Variants in MGLL observed in about 807,000 individuals in gnomAD.
MGLL encodes lysophospholipase homolog.
Under a neutral mutation model 29.1 loss-of-function variants are expected in MGLL, and 7 were observed. The ratio of observed to expected loss-of-function variants is 0.24; its 90% confidence interval spans 0.14 to 0.45. The LOEUF (loss-of-function observed/expected upper bound fraction) is 0.45. Among genes scored for constraint, MGLL ranks in the 20% least tolerant of loss-of-function variants. The pLI is 0.99. For synonymous variants in MGLL, 148 were observed against 168.3 expected (o/e 0.88, Z 0.93); for missense variants, 356 against 413.6 (o/e 0.86, Z 1.21).
At chr3:127,758,403 G>A (rs561894358) in intron 3 of MGLL, among the ~76,000 whole-genome samples, 1 of 152,374 alleles carries the variant, frequency 6.6e-6, no homozygotes, top group South Asian at 2.1e-4. Flanking sequence ...CACCATGCCT[G>A]GAGTTGGTAA....
intron 5 of MGLL, among the ~76,000 whole-genome samples, chr3:127,714,722 T>C (rs890451991): frequency 6.6e-6 from 1 of 152,134 alleles, no homozygotes; most frequent in Non-Finnish European, 1.5e-5. Flanking sequence ...GGGTGCAAGT[T>C]ACACCACAGA....
At position 127,741,417 on chromosome 3, in the gene MGLL, C is replaced by A. The variant is rs540481768; in HGVS notation, c.263-18851G>T. The stretch of plus-strand genomic sequence containing the variant: ...GGCTGGGTGCTCCCAGGGGGCATGG[C>A]CCTCTCAGGCTCTTCCCAGCCAGAC... On this transcript the variant is annotated intron_variant, in intron 3 of 7. Transcript: ENST00000265052. Among the ~76,000 whole-genome samples, 9 of 152,338 alleles carry A rather than the reference C, an allele frequency of 5.9e-5. No homozygotes were observed. In the South Asian group the frequency reaches 1.9e-3, roughly 32 times the overall value.
Position 127,690,572 on chromosome 3 carries a change from C to A in MGLL, c.*1626G>T, listed in dbSNP as rs959858009. Reference sequence around the variant, plus strand: ...GCTGCTGGAGGAAGAAGGGCGGGAGCCCCTGAGGCCTAGACTTCATGTTGG... The same window carrying A: ...GCTGCTGGAGGAAGAAGGGCGGGAGACCCTGAGGCCTAGACTTCATGTTGG... On this transcript the variant is annotated 3_prime_UTR_variant, in exon 8 of 8. Coordinates refer to ENST00000265052, the MANE Select transcript of MGLL (RefSeq NM_007283.7). The A allele has an allele frequency of 6.5e-6, 1 of 152,824 alleles. No homozygotes were observed. Among genetic ancestry groups the A allele is most frequent in the Non-Finnish European group, 1.5e-5 (1 of 68,176 alleles). The allele number at this position is 152,824 out of a possible 1,614,324, so 9.5% of individuals were successfully genotyped here.
rs147014929 is a variant in MGLL at position 127,753,585 on chromosome 3, C to A, written c.262+28204G>T. ...TTCTGCAGACCTTGCCTCATCGAATCAGCATCAGGCACTCCTGGGCCTGAG... is the reference window on the plus strand; with the variant it reads ...TTCTGCAGACCTTGCCTCATCGAATAAGCATCAGGCACTCCTGGGCCTGAG... On this transcript the variant is annotated intron_variant, in intron 3 of 7. Transcript: ENST00000265052. Among the ~76,000 whole-genome samples, 285 of 152,360 alleles carry A rather than the reference C, an allele frequency of 1.9e-3. 2 individuals carry two copies. The highest frequency in any genetic ancestry group is 5.2e-3 in the Admixed American group (79 of 15,302).
At position 127,761,797 on chromosome 3, in the gene MGLL, C is replaced by T. The variant is rs965301058; in HGVS notation, c.262+19992G>A. On this transcript the variant is annotated intron_variant, in intron 3 of 7. Transcript: ENST00000265052. The surrounding 1 kb of genome is among the most constrained non-coding windows in gnomAD (Gnocchi z 4.6). ...ACCCCAGCTCTTCAGGGAGGGACTC[C>T]AGGCAGAGCTTCATTCTCAAATGCC... Among the ~76,000 whole-genome samples the T allele has an allele frequency of 2.0e-5, 3 of 152,204 alleles. No homozygotes were observed. The highest frequency in any genetic ancestry group is 4.4e-5 in the Non-Finnish European group (3 of 68,042).
chr3:127,749,409 C>A (rs1350631723), intron 3 of MGLL, among the ~76,000 whole-genome samples: 1 of 152,214 alleles, frequency 6.6e-6, no homozygotes, highest in African/African-American at 2.4e-5. Context: ...CTTCCCAGAG[C>A]TTTCTGCTGT....
chr3:127,781,631 A>G (rs1457944901), intron 3 of MGLL, among the ~76,000 whole-genome samples, 158 bp downstream of exon 3: 1 of 152,098 alleles, frequency 6.6e-6, no homozygotes, highest in Admixed American at 6.5e-5. Context: ...CTCGTCAGAC[A>G]TTTTTTTTGT....
At chr3:127,806,294 TTC>T (rs1347975096) in intron 2 of MGLL, among the ~76,000 whole-genome samples, 1 of 152,220 alleles carries the variant, frequency 6.6e-6, no homozygotes, top group Non-Finnish European at 1.5e-5. Context: ...TCTTAATGAT[TTC>T]TCTGTCACCC....
intron 2 of MGLL, among the ~76,000 whole-genome samples, chr3:127,789,743 GAAAGAAAGAAAGA>G (rs1393657762): frequency 6.6e-6 from 1 of 151,628 alleles, no homozygotes; most frequent in Non-Finnish European, 1.5e-5. Context: ...AGGAAAGAAG[GAAAGAAAGAAAGA>G]AAAGAAAGAA....
intron 3 of MGLL, among the ~76,000 whole-genome samples, chr3:127,725,043 G>A (rs2107629554): frequency 6.6e-6 from 1 of 151,906 alleles, no homozygotes; most frequent in East Asian, 1.9e-4. Flanking sequence ...CCCTCCTTAA[G>A]GGGTGGTCCA....
intron 6 of MGLL, among the ~76,000 whole-genome samples, chr3:127,708,945 T>G (rs1371070220): frequency 1.3e-5 from 2 of 152,236 alleles, no homozygotes; most frequent in Admixed American, 1.3e-4. Context: ...CACCAAAGCA[T>G]GGACTTTTGA....
chr3:127,700,850 C>T (rs761422698), intron 6 of MGLL, among the ~76,000 whole-genome samples: 4 of 152,278 alleles, frequency 2.6e-5, no homozygotes, highest in South Asian at 2.1e-4. Context: ...CTTTTGGAGC[C>T]GCTTGGCATT....
intron 2 of MGLL, among the ~76,000 whole-genome samples, chr3:127,795,161 T>C (rs896298464): frequency 6.6e-6 from 1 of 152,142 alleles, no homozygotes; most frequent in Non-Finnish European, 1.5e-5. Context: ...AAAGAAAAGG[T>C]GGTACATATA....
At chr3:127,755,785 A>G (rs1411801034) in intron 3 of MGLL, among the ~76,000 whole-genome samples, 1 of 152,238 alleles carries the variant, frequency 6.6e-6, no homozygotes, top group Non-Finnish European at 1.5e-5. Context: ...GTATTTATCA[A>G]AGACACTTTC....
At chr3:127,718,792 A>C (rs1200614900) in intron 5 of MGLL, among the ~76,000 whole-genome samples, 1 of 152,142 alleles carries the variant, frequency 6.6e-6, no homozygotes, top group African/African-American at 2.4e-5. Context: ...ATCCTCCTTC[A>C]TATCTTTTGA....
At chr3:127,804,767 C>T (rs2077536818) in intron 2 of MGLL, among the ~76,000 whole-genome samples, 1 of 152,154 alleles carries the variant, frequency 6.6e-6, no homozygotes, top group Non-Finnish European at 1.5e-5. Flanking sequence ...AATAGTTGGG[C>T]CAGGCCTGCC....
intron 2 of MGLL, among the ~76,000 whole-genome samples, 162 bp from the exon 3 acceptor site, chr3:127,782,057 C>T (rs1051949057): frequency 3.9e-5 from 6 of 152,114 alleles, no homozygotes; most frequent in Admixed American, 3.9e-4. Context: ...CCCACCTCTA[C>T]TGAAATACAA....
At chr3:127,782,028 C>T (rs2077136704) in intron 2 of MGLL, 133 bp from the exon 3 acceptor site, 2 of 788,916 alleles carry the variant, frequency 2.5e-6, no homozygotes, top group Non-Finnish European at 2.2e-6. Flanking sequence ...TGAGACCAGC[C>T]TGACCAACAT....
chr3:127,732,758 A>G (rs2076173671), intron 3 of MGLL, among the ~76,000 whole-genome samples: 1 of 152,168 alleles, frequency 6.6e-6, no homozygotes, highest in Non-Finnish European at 1.5e-5. Flanking sequence ...TACAATAGGA[A>G]CAGAAGGGCT....
Sources: gnomAD v4.1 joint callset for allele counts (sites outside exome capture counted in the v4.1 genomes callset) on GRCh38, gnomAD v4.1.1 for gene constraint, Gnocchi (gnomAD v3.1) non-coding constraint, MANE v1.5 for transcripts, NCBI Gene and HGNC (gene_info 2026-07-23, HGNC 2026-07-21) for gene names.